The following CDH18 variants were observed in gnomAD, a reference collection of about 807,000 sequenced individuals.
CDH18 encodes the protein cadherin-18.
A neutral mutation model predicts 67.9 loss-of-function variants in CDH18; 31 were observed. The observed-to-expected ratio is 0.46, with a 90% CI of 0.34 to 0.62. The LOEUF is 0.62. CDH18 is among the 20% of genes least tolerant of loss of function. CDH18 has a pLI of 0.01. For missense variants in CDH18, 890 were observed against 975.5 expected (o/e 0.91, Z 1.17); for synonymous variants, 362 against 347.2 (o/e 1.04, Z -0.48).
intron 3 of CDH18, among the ~76,000 whole-genome samples, chr5:19,796,318 T>C (rs184506474): frequency 6.6e-6 from 1 of 152,188 alleles, no homozygotes; most frequent in Admixed American, 6.6e-5. Context: ...GAACATTTTT[T>C]GAAAGCAGCC....
intron 2 of CDH18, among the ~76,000 whole-genome samples, chr5:20,073,293 C>T (rs1347535724): frequency 2.0e-5 from 3 of 151,780 alleles, no homozygotes; most frequent in Non-Finnish European, 4.4e-5. Context: ...TGTTTCATTG[C>T]TCTTTTCTTT....
chr5:19,889,506 T>G (rs1395875961), intron 2 of CDH18, among the ~76,000 whole-genome samples: 1 of 152,124 alleles, frequency 6.6e-6, no homozygotes, highest in Non-Finnish European at 1.5e-5. Context: ...CTCTGGCTTT[T>G]GTTTTTCTTT....
At chr5:19,566,280 C>A (rs1224518360) in intron 8 of CDH18, among the ~76,000 whole-genome samples, 1 of 152,076 alleles carries the variant, frequency 6.6e-6, no homozygotes, top group African/African-American at 2.4e-5. Flanking sequence ...TTGGTGGGAA[C>A]GTAAATTAGT....
At chr5:19,673,672 T>C (rs1343355431) in intron 5 of CDH18, among the ~76,000 whole-genome samples, 2 of 152,082 alleles carry the variant, frequency 1.3e-5, no homozygotes, top group Admixed American at 6.6e-5. Context: ...ATATTTTCAT[T>C]CTTTGAATTT....
At chr5:20,178,835 T>C (rs1453777677) in intron 2 of CDH18, among the ~76,000 whole-genome samples, 1 of 152,100 alleles carries the variant, frequency 6.6e-6, no homozygotes, top group Non-Finnish European at 1.5e-5. Flanking sequence ...AGAGAAAAAG[T>C]TAAGTGGCAG....
chr5:20,396,296 G>GTA (rs1745274370), intron 1 of CDH18, among the ~76,000 whole-genome samples: 1 of 151,918 alleles, frequency 6.6e-6, no homozygotes, highest in African/African-American at 2.4e-5. Flanking sequence ...GATGTGCTTG[G>GTA]TATGAGGGAA....
intron 1 of CDH18, among the ~76,000 whole-genome samples, chr5:20,411,304 G>T (rs896636887): frequency 4.6e-5 from 7 of 151,896 alleles, no homozygotes; most frequent in African/African-American, 1.7e-4. Flanking sequence ...TCCCACACAC[G>T]GTCAGCTGTT....
chr5:20,202,923 A>G (rs1739563682), intron 2 of CDH18, among the ~76,000 whole-genome samples: 1 of 152,174 alleles, frequency 6.6e-6, no homozygotes, highest in South Asian at 2.1e-4. Context: ...AAAACAAAAC[A>G]AAACAAAACA....
intron 2 of CDH18, among the ~76,000 whole-genome samples, chr5:20,179,415 G>A (rs897605839): frequency 6.6e-6 from 1 of 152,116 alleles, no homozygotes; most frequent in African/African-American, 2.4e-5. Context: ...TCAGAAGTTT[G>A]GGATTATTAA....
At chr5:20,465,668 C>T (rs10055568) in intron 1 of CDH18, among the ~76,000 whole-genome samples, 43,179 of 151,598 alleles carry the variant, frequency 0.28, 6,414 homozygotes, top group East Asian at 0.39. Context: ...TTGTGCTGAC[C>T]GACATATCAA....
chr5:20,508,906 A>C (rs1328706216), intron 1 of CDH18, among the ~76,000 whole-genome samples: 1 of 152,090 alleles, frequency 6.6e-6, no homozygotes, highest in Non-Finnish European at 1.5e-5. Context: ...TAAAAAAGTC[A>C]CACCCTCCTA....
intron 6 of CDH18, among the ~76,000 whole-genome samples, chr5:19,610,455 A>C (rs1228184140): frequency 6.6e-6 from 1 of 152,086 alleles, no homozygotes; most frequent in African/African-American, 2.4e-5. Flanking sequence ...AGTCAATCTT[A>C]ATAAACCTGT....
intron 2 of CDH18, among the ~76,000 whole-genome samples, chr5:20,186,750 TA>T (rs34260968): frequency 0.38 from 57,761 of 151,640 alleles, 13,221 homozygotes; most frequent in Middle Eastern, 0.58. Flanking sequence ...AGCAATTCCT[TA>T]AAAAAATGTA....
intron 10 of CDH18, among the ~76,000 whole-genome samples, chr5:19,505,790 G>C (rs1744042609): frequency 6.6e-6 from 1 of 151,892 alleles, no homozygotes; most frequent in Non-Finnish European, 1.5e-5. Flanking sequence ...TTTTTTTGTT[G>C]TGTCTCTGCC....
upstream of CDH18, among the ~76,000 whole-genome samples, chr5:19,990,229 T>C (rs1482085940): frequency 6.6e-6 from 1 of 152,196 alleles, no homozygotes; most frequent in Non-Finnish European, 1.5e-5. Flanking sequence ...ATAGTTTAAT[T>C]GTTAAAATTC....
chr5:20,291,821 T>C lies in CDH18; in HGVS notation c.-579-36316A>G, dbSNP rs530353011. On this transcript the variant is annotated intron_variant, in intron 1 of 14. Transcript: ENST00000507958. ...CCAAAGCAATTTTTCCAGGCACCCA[T>C]TGATCCTAAACTGCCTTTATTTTAT... Among the ~76,000 whole-genome samples the C allele has an allele frequency of 2.6e-5, 4 of 152,304 alleles. No homozygotes were observed. The South Asian group carries it at 8.3e-4, about 32-fold the overall frequency.
intron 2 of CDH18, among the ~76,000 whole-genome samples, chr5:19,901,079 A>G (rs1235968476): frequency 6.6e-6 from 1 of 152,026 alleles, no homozygotes; most frequent in Admixed American, 6.6e-5. Context: ...GTAACTTTGG[A>G]TTTGGTGAGT....
chr5:20,289,346 T>C (rs147138321), intron 1 of CDH18, among the ~76,000 whole-genome samples: 42 of 152,206 alleles, frequency 2.8e-4, no homozygotes, highest in African/African-American at 8.9e-4. Flanking sequence ...TAGTTAATCA[T>C]AGAGCTAAAA....
intron 1 of CDH18, among the ~76,000 whole-genome samples, chr5:20,287,930 A>T (rs1259935114): frequency 6.6e-6 from 1 of 151,876 alleles, no homozygotes; most frequent in Non-Finnish European, 1.5e-5. Flanking sequence ...ATCCTTGTTC[A>T]AGCAGCTGAA....
Sources: allele counts gnomAD v4.1 joint callset (sites outside exome capture counted in the v4.1 genomes callset), GRCh38; gene constraint gnomAD v4.1.1; transcripts MANE v1.5; gene names NCBI Gene and HGNC (gene_info 2026-07-23, HGNC 2026-07-21).